The following LRRC4C variants were observed in gnomAD, a reference collection of about 807,000 sequenced individuals.
LRRC4C encodes leucine rich repeat containing 4C.
Under a neutral mutation model 33.6 loss-of-function variants are expected in LRRC4C, and 5 were observed. The ratio of observed to expected loss-of-function variants is 0.15; its 90% CI spans 0.08 to 0.31. The LOEUF (loss-of-function observed/expected upper bound fraction) is 0.31. Among genes scored for constraint, LRRC4C ranks in the 10% least tolerant of loss-of-function variants. LRRC4C has a pLI of 1.00. For synonymous variants in LRRC4C, 329 were observed against 302.0 expected, an observed-to-expected ratio of 1.09 and a Z score of -0.93; for missense variants, 560 against 796.7, an observed-to-expected ratio of 0.70 and a Z score of 3.58.
chr11:40,403,922 T>C (rs891353508), intron 3 of LRRC4C, among the ~76,000 whole-genome samples: 2 of 152,102 alleles, frequency 1.3e-5, no homozygotes, highest in South Asian at 4.1e-4. Flanking sequence ...ATTTTTTCAC[T>C]CCACTGAATT....
At chr11:40,740,170 A>T in intron 2 of LRRC4C, among the ~76,000 whole-genome samples, 1 of 151,952 alleles carries the variant, frequency 6.6e-6, no homozygotes, top group African/African-American at 2.4e-5. Context: ...TCCTTTGGAT[A>T]TATACCCAGA....
intron 3 of LRRC4C, among the ~76,000 whole-genome samples, chr11:40,469,053 A>G (rs557758091): frequency 6.6e-6 from 1 of 152,346 alleles, no homozygotes; most frequent in East Asian, 1.9e-4. Flanking sequence ...AAATAAAGGC[A>G]CTTATGTGTA....
intron 1 of LRRC4C, among the ~76,000 whole-genome samples, chr11:41,095,047 C>T (rs541265528): frequency 6.6e-6 from 1 of 152,244 alleles, no homozygotes; most frequent in African/African-American, 2.4e-5. Flanking sequence ...TTTCACACTG[C>T]TATGAAAATA....
At chr11:40,180,693 T>G (rs1018823905) in intron 5 of LRRC4C, among the ~76,000 whole-genome samples, 5 of 152,180 alleles carry the variant, frequency 3.3e-5, no homozygotes, top group African/African-American at 4.8e-5. Flanking sequence ...TCCCAACAAG[T>G]GGACACTTGG....
intron 5 of LRRC4C, among the ~76,000 whole-genome samples, chr11:40,170,801 A>G (rs1859983888): frequency 6.6e-6 from 1 of 152,216 alleles, no homozygotes; most frequent in Non-Finnish European, 1.5e-5. Flanking sequence ...ACACATGAGC[A>G]AGAAATAAAG....
chr11:40,152,346 G>A (rs1286802281), intron 5 of LRRC4C, among the ~76,000 whole-genome samples: 1 of 152,214 alleles, frequency 6.6e-6, no homozygotes, highest in Non-Finnish European at 1.5e-5. Flanking sequence ...GCACCACGGG[G>A]ATCCACTGGG....
intron 5 of LRRC4C, among the ~76,000 whole-genome samples, chr11:40,143,648 C>T (rs1857524878): frequency 6.6e-6 from 1 of 152,150 alleles, no homozygotes; most frequent in Non-Finnish European, 1.5e-5. Flanking sequence ...TCCTTCAGGG[C>T]TCTGCTAAAC....
At chr11:41,416,521 C>G (rs914311964) in intron 1 of LRRC4C, among the ~76,000 whole-genome samples, 1 of 152,026 alleles carries the variant, frequency 6.6e-6, no homozygotes, top group Non-Finnish European at 1.5e-5. Flanking sequence ...ATATAGAACT[C>G]ATGATCTAAA....
chr11:41,017,724 T>A (rs900442214), intron 1 of LRRC4C, among the ~76,000 whole-genome samples: 2 of 151,034 alleles, frequency 1.3e-5, no homozygotes, highest in Non-Finnish European at 3.0e-5. Context: ...CATTATTAAG[T>A]GCTCTATATA....
chr11:41,240,064 T>C (rs1462457942), intron 1 of LRRC4C, among the ~76,000 whole-genome samples: 1 of 152,204 alleles, frequency 6.6e-6, no homozygotes, highest in African/African-American at 2.4e-5. Flanking sequence ...TCTTATTTTA[T>C]AAAAATCAAA....
Position 41,248,082 on chromosome 11 carries a change from A to G in LRRC4C, c.-496+211349T>C, listed in dbSNP as rs186409171. 1.6e-4 allele frequency among the ~76,000 whole-genome samples: 25 copies of G among 152,324 alleles called. No homozygotes were observed. The East Asian group carries it at 4.4e-3, about 27-fold the overall frequency. ...AAAGAGGGTGTGGATGAAACAGTAG[A>G]GTCAAGAACCCAGCAGATTCTTATC... On this transcript the variant is annotated intron_variant, in intron 1 of 6. Transcript: ENST00000528697.
chr11:41,036,747 T>C (rs948144180), intron 1 of LRRC4C, among the ~76,000 whole-genome samples: 5 of 152,208 alleles, frequency 3.3e-5, no homozygotes, highest in African/African-American at 1.2e-4. Context: ...ACCTAAATGA[T>C]GTCACAGTAG....
chr11:41,065,851 C>T (rs956058621), intron 1 of LRRC4C, among the ~76,000 whole-genome samples: 5 of 152,070 alleles, frequency 3.3e-5, no homozygotes, highest in Non-Finnish European at 7.4e-5. Flanking sequence ...AACACAGAGA[C>T]GCAGAAATAA....
At chr11:41,076,114 T>C (rs1359516593) in intron 1 of LRRC4C, among the ~76,000 whole-genome samples, 3 of 152,204 alleles carry the variant, frequency 2.0e-5, no homozygotes, top group Admixed American at 2.0e-4. Context: ...AGCCTTTAAC[T>C]AGTATCTATA....
chr11:40,126,416 A>G (rs941619554), intron 6 of LRRC4C, among the ~76,000 whole-genome samples: 3 of 152,116 alleles, frequency 2.0e-5, no homozygotes, highest in Admixed American at 1.3e-4. Context: ...AACAACAACA[A>G]TGTGGCTGCC....
chr11:40,232,670 C>T (rs149653222), intron 5 of LRRC4C, among the ~76,000 whole-genome samples: 23 of 152,214 alleles, frequency 1.5e-4, no homozygotes, highest in African/African-American at 5.3e-4. Context: ...TGGCCAAGAA[C>T]AAGTAAAAGA....
chr11:40,647,162 T>C (rs1051494594), intron 3 of LRRC4C, among the ~76,000 whole-genome samples: 2 of 152,228 alleles, frequency 1.3e-5, no homozygotes, highest in Non-Finnish European at 2.9e-5. Flanking sequence ...ACAGCTGTTA[T>C]AAATGCAACT....
Position 40,116,141 on chromosome 11 carries a change from C to T in LRRC4C, c.152G>A (p.Cys51Tyr). 2 of 1,613,964 alleles carry T rather than the reference C, an allele frequency of 1.2e-6. No individual in the cohort carries two copies. Among genetic ancestry groups the T allele is most frequent in the Non-Finnish European group, 1.7e-6 (2 of 1,179,988 alleles). ...CTTGCTGAACTGGTTGCTGCAGGAG[C>T]ACACAGAAGGGCAGGTCTGAGCCCG... ...LVRAQTCPSV[C>Y]SCSNQFSKVI... is the part of the protein sequence containing the mutation. The change falls in exon 7 of 7, where the codon TGC becomes TAC. Residue 51 changes from cysteine to tyrosine, a missense_variant. Cys to Tyr is a radical substitution (Grantham distance 194). This residue lies in a region of LRRC4C where 455 missense variants were observed against 643.8 expected (regional missense o/e 0.71). Transcript: ENST00000528697.
chr11:41,307,140 G>T (rs1447161651), intron 1 of LRRC4C, among the ~76,000 whole-genome samples: 6 of 152,080 alleles, frequency 3.9e-5, no homozygotes, highest in Non-Finnish European at 1.5e-5. Flanking sequence ...TTGGGGGAGA[G>T]ACTCCTTCTG....
Sources: allele counts gnomAD v4.1 joint callset (sites outside exome capture counted in the v4.1 genomes callset), GRCh38; gene constraint gnomAD v4.1.1; regional missense constraint gnomAD v4.1.1; transcripts MANE v1.5; gene names NCBI Gene and HGNC (gene_info 2026-07-23, HGNC 2026-07-21).